NCOA1: variants seen among roughly 807,000 people sequenced by gnomAD.
NCOA1 encodes nuclear receptor coactivator 1.
A neutral mutation model predicts 150.9 loss-of-function variants in NCOA1; 35 were observed. The observed-to-expected ratio is 0.23, with a 90% CI of 0.18 to 0.31. The LOEUF is 0.31. Among genes scored for constraint, NCOA1 ranks in the 10% least tolerant of loss-of-function variants. NCOA1 has a pLI of 1.00. For missense variants in NCOA1, 1,491 were observed against 1,749.3 expected (o/e 0.85, Z 2.63); for synonymous variants, 590 against 630.0 (o/e 0.94, Z 0.95).
At chr2:24,693,562 A>G (rs1192646024) in intron 10 of NCOA1, among the ~76,000 whole-genome samples, 3 of 152,122 alleles carry the variant, frequency 2.0e-5, no homozygotes, top group Non-Finnish European at 4.4e-5. Context: ...ACTTTTTATA[A>G]CTTTATATAC....
At chr2:24,539,022 A>G (rs983699452) in intron 1 of NCOA1, among the ~76,000 whole-genome samples, 1 of 152,230 alleles carries the variant, frequency 6.6e-6, no homozygotes, top group African/African-American at 2.4e-5. Flanking sequence ...AAAATACTGT[A>G]TGTTCTTAAC....
chr2:24,703,458 T>C (rs1250192889), intron 11 of NCOA1, among the ~76,000 whole-genome samples: 3 of 152,210 alleles, frequency 2.0e-5, no homozygotes, highest in Admixed American at 6.5e-5. Context: ...AAACAAATAA[T>C]CTAATTTCAA....
At position 24,562,147 on chromosome 2, in the gene NCOA1, C is replaced by T. The variant is rs11691047; in HGVS notation, c.-395-2148C>T. 2.4e-4 allele frequency among the ~76,000 whole-genome samples: 36 copies of T among 152,090 alleles called. 1 individual carries two copies. The highest frequency in any genetic ancestry group is 1.3e-4 in the Non-Finnish European group (9 of 67,982). The stretch of plus-strand genomic sequence containing the variant: ...TGAAAAAGTCAATGATGGGCAAATC[C>T]ATCCACCTGAAAATAAAAACTTCTG... On this transcript the variant is annotated intron_variant, in intron 1 of 22. Transcript: ENST00000348332.
intron 3 of NCOA1, among the ~76,000 whole-genome samples, chr2:24,629,678 G>A (rs1669599702): frequency 6.6e-6 from 1 of 150,418 alleles, no homozygotes; most frequent in Non-Finnish European, 1.5e-5. Context: ...AAAACATGAT[G>A]CCGCAATCAT....
intron 4 of NCOA1, among the ~76,000 whole-genome samples, chr2:24,647,558 T>A (rs535938019): frequency 5.5e-4 from 83 of 152,242 alleles, no homozygotes; most frequent in Middle Eastern, 6.8e-3. Context: ...AGAGCATAAT[T>A]TATTAGTATG....
At position 24,491,292 on chromosome 2, in the gene NCOA1, C is replaced by T. The variant is rs146947072; in HGVS notation, c.-706C>T. Among the ~76,000 whole-genome samples, 4,278 of 147,236 alleles carry T rather than the reference C, an allele frequency of 0.029. 67 individuals are homozygous for T. Among genetic ancestry groups the T allele is most frequent in the African/African-American group, 0.045 (1,857 of 40,888 alleles). ...GCCGAGGAGGAGAACATGGCGGCCG[C>T]GGAGAGCGGCTGAAATGCCTGTTCT... On this transcript the variant is annotated 5_prime_UTR_variant, in exon 1 of 23. Coordinates refer to ENST00000348332, the MANE Select transcript of NCOA1 (RefSeq NM_003743.5).
chr2:24,768,516 CA>C lies in NCOA1; in HGVS notation c.*150del, dbSNP rs772970404. The C allele has an allele frequency of 0.054, 2,970 of 55,044 alleles. 4 individuals are homozygous for C. Among genetic ancestry groups the C allele is most frequent in the Middle Eastern group, 0.11 (16 of 144 alleles). The allele number at this position is 55,044 out of a possible 1,614,324, so 3.4% of individuals were successfully genotyped here. A position where few individuals can be genotyped will look rare whatever the true frequency, so the allele number is the denominator to read the frequency against. On this transcript the variant is annotated 3_prime_UTR_variant, in exon 23 of 23. Coordinates refer to ENST00000348332, the MANE Select transcript of NCOA1 (RefSeq NM_003743.5). ...ATTCTTCAGGTCGTAGCATTTGGAGCAAAAAAAAAAAAAAAAAAAAAAAAAG... is the reference window on the plus strand; with the variant it reads ...ATTCTTCAGGTCGTAGCATTTGGAGCAAAAAAAAAAAAAAAAAAAAAAAAG...
Position 24,491,550 on chromosome 2 carries a change from GGTC to G in NCOA1, c.-446_-444del, listed in dbSNP as rs1210374966. ...GAGGCCGGGGCGGCGCCGCCGCCAC[GGTC>G]GCGGACGAGTGCGGCGCCGGTGAGC... On this transcript the variant is annotated 5_prime_UTR_variant, in exon 1 of 23. Coordinates refer to ENST00000348332, the MANE Select transcript of NCOA1 (RefSeq NM_003743.5). 3.5e-4 allele frequency among the ~76,000 whole-genome samples: 9 copies of G among 25,754 alleles called. No individual in the cohort carries two copies. Among genetic ancestry groups the G allele is most frequent in the African/African-American group, 3.9e-4 (6 of 15,506 alleles). 16.9% of individuals were successfully genotyped at this position (25,754 alleles called of 152,430 possible).
At chr2:24,633,748 G>C (rs2148438202) in intron 3 of NCOA1, among the ~76,000 whole-genome samples, 1 of 152,340 alleles carries the variant, frequency 6.6e-6, no homozygotes, top group Admixed American at 6.5e-5. Flanking sequence ...GGGGAAGTCT[G>C]AAACAATTAT....
chr2:24,737,696 A>G (rs1283177544), intron 17 of NCOA1, among the ~76,000 whole-genome samples: 3 of 152,092 alleles, frequency 2.0e-5, no homozygotes, highest in Non-Finnish European at 4.4e-5. Context: ...CTTCATCCCT[A>G]GACTGAATGA....
intron 1 of NCOA1, among the ~76,000 whole-genome samples, chr2:24,560,229 G>T (rs1220819025): frequency 6.6e-6 from 1 of 152,104 alleles, no homozygotes; most frequent in Non-Finnish European, 1.5e-5. Context: ...AATTTTAGCT[G>T]ATTTTTTCTT....
chr2:24,517,038 G>T (rs1664231634), intron 1 of NCOA1, among the ~76,000 whole-genome samples: 1 of 79,090 alleles, frequency 1.3e-5, no homozygotes, highest in South Asian at 4.7e-4. Context: ...ACCCCATTTT[G>T]TTTAGACTAC....
rs183989020 is a variant in NCOA1, at chr2:24,525,795, G to T, written c.-396+34193G>T. ...ACTCCTGGCCTCAAGTGATCTGCCC[G>T]CCACAGCCTCCCAAAGTGCTGGGAT... On this transcript the variant is annotated intron_variant, in intron 1 of 22. Coordinates refer to ENST00000348332, the MANE Select transcript of NCOA1 (RefSeq NM_003743.5). 2.6e-5 allele frequency among the ~76,000 whole-genome samples: 4 copies of T among 152,136 alleles called. No homozygotes were observed. In the East Asian group the frequency reaches 7.7e-4, roughly 29 times the overall value.
intron 17 of NCOA1, among the ~76,000 whole-genome samples, chr2:24,731,579 G>T (rs562324298): frequency 5.3e-5 from 8 of 151,900 alleles, no homozygotes; most frequent in Non-Finnish European, 8.8e-5. Context: ...ACTAAGAAAG[G>T]GAAATTTTTT....
chr2:24,616,310 T>C (rs1041302763), intron 3 of NCOA1, among the ~76,000 whole-genome samples: 7 of 152,228 alleles, frequency 4.6e-5, no homozygotes, highest in Admixed American at 4.6e-4. Flanking sequence ...GTTACCATAG[T>C]ACATAGTTTT....
chr2:24,638,247 C>A (rs1375720637), intron 3 of NCOA1, among the ~76,000 whole-genome samples: 1 of 69,490 alleles, frequency 1.4e-5, no homozygotes, highest in Non-Finnish European at 2.8e-5. Context: ...GTTTAATTTT[C>A]TGTTCCTGGC....
rs140428920 is a variant in NCOA1 at position 24,707,338 on chromosome 2, A to G, written c.1868A>G (p.Asp623Gly). 4.3e-6 allele frequency: 7 copies of G among 1,614,112 alleles called. No individual in the cohort carries two copies. Among genetic ancestry groups the G allele is most frequent in the South Asian group, 2.2e-5 (2 of 91,088 alleles). ...AACAATGACAGACTTTCAGATGGAG[A>G]CAGTAAATACTCTCAAACCAGTCAC... Reference protein sequence around the residue: ...LHNNDRLSDGDSKYSQTSHKL... With the variant: ...LHNNDRLSDGGSKYSQTSHKL... The change falls in exon 13 of 23, where the codon GAC (aspartate) becomes GGC (glycine). Residue 623 changes from aspartate to glycine, a missense_variant. Around this residue, in one of 8 missense-constraint regions of NCOA1, gnomAD observed 703 missense variants for 717.7 expected, o/e 0.98. Transcript: ENST00000348332.
At chr2:24,601,925 T>C (rs1668141013) in intron 3 of NCOA1, among the ~76,000 whole-genome samples, 1 of 152,136 alleles carries the variant, frequency 6.6e-6, no homozygotes, top group African/African-American at 2.4e-5. Context: ...CGTGAACCAC[T>C]GCGCCCAGCC....
chr2:24,721,527 G>A (rs1452374074), intron 14 of NCOA1, among the ~76,000 whole-genome samples: 1 of 152,248 alleles, frequency 6.6e-6, no homozygotes, highest in Non-Finnish European at 1.5e-5. Context: ...CTACTTCTCA[G>A]TTGTTGTGAG....
Sources: gnomAD v4.1 joint callset for allele counts (sites outside exome capture counted in the v4.1 genomes callset) on GRCh38, gnomAD v4.1.1 for gene constraint, gnomAD v4.1.1 regional missense constraint, MANE v1.5 for transcripts, NCBI Gene and HGNC (gene_info 2026-07-23, HGNC 2026-07-21) for gene names.